Variants in CEP350 observed in about 807,000 individuals in gnomAD.
CEP350 encodes centrosomal protein 350.
A neutral mutation model predicts 331.8 loss-of-function variants in CEP350; 126 were observed. The ratio of observed to expected loss-of-function variants is 0.38; its 90% CI spans 0.33 to 0.44. CEP350 has a LOEUF of 0.44. Among genes scored for constraint, CEP350 ranks in the 20% least tolerant of loss-of-function variants. CEP350 has a pLI of 1.00. For missense variants in CEP350, 3,406 were observed against 3,634.6 expected, an observed-to-expected ratio of 0.94 and a Z score of 1.62; for synonymous variants, 1,200 against 1,259.5, an observed-to-expected ratio of 0.95 and a Z score of 1.00.
In CEP350 at chr1:180,015,934, A is replaced by T. The variant is rs1390161629; in HGVS notation, c.2138A>T (p.Asp713Val). ...ERPPSASSSS[D>V]MSLSEPPQPL... ...CCCCCAAGTGCATCTTCCAGTAGTG[A>T]CATGTCTCTCTCAGAACCTCCACAG... Residue 713 changes from aspartate (D) to valine (V), a missense_variant, in exon 11 of 38, where the codon GAC (aspartate) becomes GTC (valine). Transcript: ENST00000367607. 6.2e-7 allele frequency: 1 copy of T among 1,613,806 alleles called. No individual in the cohort carries two copies. Among genetic ancestry groups the T allele is most frequent in the Non-Finnish European group, 8.5e-7 (1 of 1,179,812 alleles).
chr1:180,088,638 C>T (rs898385571), intron 32 of CEP350, among the ~76,000 whole-genome samples: 2 of 152,180 alleles, frequency 1.3e-5, no homozygotes, highest in African/African-American at 4.8e-5. Context: ...ATGGCAGGCT[C>T]ATTACAATTA....
intron 15 of CEP350, 121 bp downstream of exon 15, chr1:180,031,615 C>T (rs971288050): frequency 1.7e-5 from 7 of 406,758 alleles, no homozygotes; most frequent in Non-Finnish European, 2.5e-5. Context: ...TGAGCTACTA[C>T]AAAATTCTGT....
intron 1 of CEP350, among the ~76,000 whole-genome samples, chr1:179,963,057 AT>A (rs1199863996): frequency 6.6e-5 from 10 of 152,088 alleles, no homozygotes; most frequent in Non-Finnish European, 1.2e-4. Flanking sequence ...TTTATTGATG[AT>A]TAGTGATTCT....
At chr1:180,096,362 G>A (rs111816491) in intron 36 of CEP350, among the ~76,000 whole-genome samples, 178 bp downstream of exon 36, 1 of 150,804 alleles carries the variant, frequency 6.6e-6, no homozygotes, top group African/African-American at 2.4e-5. Context: ...AACAGTGGAG[G>A]GATTGGAATG....
intron 3 of CEP350, among the ~76,000 whole-genome samples, chr1:179,987,542 T>A (rs1311168174): frequency 6.7e-6 from 1 of 148,840 alleles, no homozygotes; most frequent in Admixed American, 6.7e-5. Context: ...TAATATATTA[T>A]AAAATGAACA....
In CEP350 at chr1:180,062,384, A is replaced by G. The variant is rs1421232650; in HGVS notation, c.5409+18A>G. The G allele has an allele frequency of 1.9e-6, 3 of 1,573,922 alleles. No individual in the cohort carries two copies. In the Admixed American group the frequency reaches 5.6e-5, roughly 29 times the overall value. ...GTAAATTGGTAAACTACATGAAGTTATTATTTGTTTCCTGTCTTATTTTGA... is the reference window on the plus strand; with the variant it reads ...GTAAATTGGTAAACTACATGAAGTTGTTATTTGTTTCCTGTCTTATTTTGA... On this transcript the variant is annotated intron_variant, in intron 26 of 37. Transcript: ENST00000367607.
In CEP350 at chr1:180,053,153, T is replaced by C. The variant is rs1401597201; in HGVS notation, c.4976T>C (p.Leu1659Pro). The C allele has an allele frequency of 1.9e-6, 3 of 1,584,648 alleles. No individual in the cohort carries two copies. The highest frequency in any genetic ancestry group is 1.8e-5 in the Admixed American group (1 of 54,976). ...GAAGCTTCTCCAGAAAAAACTACAC[T>C]GTCTACTGCCAAGGTGTGTTTCACT... is the stretch of plus-strand genomic sequence containing the variant. ...DEEASPEKTTLSTAKELNMPF... is the reference protein window; with the variant it reads ...DEEASPEKTTPSTAKELNMPF... Residue 1659 changes from leucine (L) to proline (P), a missense_variant, in exon 23 of 38, where the codon CTG (leucine) becomes CCG (proline). Leu to Pro is a moderately conservative substitution (Grantham distance 98). This residue lies in a region of CEP350 where 104 missense variants were observed against 143.3 expected (regional missense o/e 0.73). Transcript: ENST00000367607.
In CEP350 at chr1:180,041,807, G is replaced by A. The variant is rs371213500; in HGVS notation, c.4362+5G>A. The A allele has an allele frequency of 1.2e-6, 2 of 1,609,842 alleles. No homozygotes were observed. Among genetic ancestry groups the A allele is most frequent in the South Asian group, 1.1e-5 (1 of 90,292 alleles). On this transcript the variant is annotated splice_donor_5th_base_variant and intron_variant, in intron 19 of 37. Transcript: ENST00000367607. ...GCAGCACGTCAAATCTGTGAGGTAG[G>A]TGCCACTGAGAACACTTCTCTTTTT...
intron 31 of CEP350, among the ~76,000 whole-genome samples, chr1:180,084,601 T>G (rs1659751216): frequency 6.6e-6 from 1 of 152,204 alleles, no homozygotes; most frequent in African/African-American, 2.4e-5. Flanking sequence ...CCTGACCTCG[T>G]GATCCCCCTG....
chr1:180,011,470 T>C (rs531853700), intron 8 of CEP350, among the ~76,000 whole-genome samples: 1 of 152,330 alleles, frequency 6.6e-6, no homozygotes, highest in Non-Finnish European at 1.5e-5. Flanking sequence ...AGATGGAGTC[T>C]TGCTCTGTCA....
At chr1:179,968,576 C>T (rs1378705524) in intron 1 of CEP350, 2 of 328,412 alleles carry the variant, frequency 6.1e-6, no homozygotes, top group African/African-American at 2.2e-5. Context: ...TGGAAGGAGA[C>T]TTTTGAAAAT....
intron 21 of CEP350, among the ~76,000 whole-genome samples, chr1:180,047,262 T>C (rs1282128145): frequency 6.6e-6 from 1 of 152,008 alleles, no homozygotes; most frequent in African/African-American, 2.4e-5. Context: ...AACCAAGAAA[T>C]GTAAGGAGGA....
chr1:179,986,402 C>A, intron 2 of CEP350, 148 bp downstream of exon 2: 1 of 552,872 alleles, frequency 1.8e-6, no homozygotes, highest in Non-Finnish European at 3.2e-6. Flanking sequence ...TTTAAATATA[C>A]CTGGTGCTTC....
chr1:179,993,174 A>G (rs1395447731), intron 5 of CEP350, among the ~76,000 whole-genome samples: 2 of 152,044 alleles, frequency 1.3e-5, no homozygotes, highest in Non-Finnish European at 2.9e-5. Context: ...GTATCGAAGC[A>G]CTAGAAGTGC....
chr1:180,107,481 CA>C (rs1458913308), intron 37 of CEP350, among the ~76,000 whole-genome samples: 1 of 152,138 alleles, frequency 6.6e-6, no homozygotes, highest in Non-Finnish European at 1.5e-5. Flanking sequence ...CCAGCCTGGC[CA>C]ACATGGTGAA....
chr1:180,052,197 A>G, intron 22 of CEP350: 2 of 453,822 alleles, frequency 4.4e-6, no homozygotes, highest in Non-Finnish European at 8.8e-6. Context: ...AGTGCCTACA[A>G]ATTCTTTCTT....
chr1:180,064,750 G>A (rs1451252606), intron 26 of CEP350, among the ~76,000 whole-genome samples: 2 of 151,912 alleles, frequency 1.3e-5, no homozygotes, highest in African/African-American at 2.4e-5. Context: ...TATAGTTATA[G>A]TCTAATTTTT....
At position 180,020,753 on chromosome 1, in the gene CEP350, C is replaced by G; in HGVS notation, c.2979C>G (p.Leu993=). The G allele has an allele frequency of 6.2e-7, 1 of 1,614,008 alleles. No individual in the cohort carries two copies. Among genetic ancestry groups the G allele is most frequent in the Non-Finnish European group, 8.5e-7 (1 of 1,179,902 alleles). Residue 993 remains leucine, a synonymous_variant, in exon 12 of 38, where the codon CTC becomes CTG. Transcript: ENST00000367607. The part of the protein sequence containing the change: ...SEGPLLSEGS[L]SEEEGDQDGQ... Reference sequence around the variant, plus strand: ...GGCCTCTTCTTAGTGAGGGGAGTCTCTCTGAAGAAGAGGGAGACCAGGATG... The same window carrying G: ...GGCCTCTTCTTAGTGAGGGGAGTCTGTCTGAAGAAGAGGGAGACCAGGATG...
intron 37 of CEP350, among the ~76,000 whole-genome samples, chr1:180,103,665 C>T (rs1660958306): frequency 6.6e-6 from 1 of 151,910 alleles, no homozygotes; most frequent in Non-Finnish European, 1.5e-5. Flanking sequence ...CTTATTGAAT[C>T]TATAGATTCA....
Sources: gnomAD v4.1 joint callset for allele counts (sites outside exome capture counted in the v4.1 genomes callset) on GRCh38, gnomAD v4.1.1 for gene constraint, gnomAD v4.1.1 regional missense constraint, MANE v1.5 for transcripts, NCBI Gene and HGNC (gene_info 2026-07-23, HGNC 2026-07-21) for gene names.